The following AUTS2 variants were observed in gnomAD, a reference collection of about 807,000 sequenced individuals.
The protein encoded by AUTS2 is activator of transcription and developmental regulator AUTS2, also known as autism susceptibility gene 2 protein.
A neutral mutation model predicts 112.4 loss-of-function variants in AUTS2; 17 were observed. The ratio of observed to expected loss-of-function variants is 0.15; its 90% CI spans 0.10 to 0.23. The LOEUF (loss-of-function observed/expected upper bound fraction) is 0.23, where lower values mean the gene tolerates loss of function less well. Among genes scored for constraint, AUTS2 ranks in the 10% least tolerant of loss-of-function variants. The pLI is 1.00. For synonymous variants in AUTS2, 751 were observed against 702.7 expected (o/e 1.07, Z -1.09); for missense variants, 1,510 against 1,701.6 (o/e 0.89, Z 1.98).
intron 4 of AUTS2, among the ~76,000 whole-genome samples, chr7:70,288,649 A>G (rs1259325619): frequency 6.6e-6 from 1 of 152,150 alleles, no homozygotes; most frequent in Non-Finnish European, 1.5e-5. Context: ...AAAATGGAGA[A>G]GCAAGAAGAA....
At chr7:69,733,934 G>A (rs756215354) in intron 1 of AUTS2, among the ~76,000 whole-genome samples, 2 of 152,180 alleles carry the variant, frequency 1.3e-5, no homozygotes, top group Non-Finnish European at 2.9e-5. Context: ...AGTTCTCCAC[G>A]GGAAGGCTGT....
intron 1 of AUTS2, among the ~76,000 whole-genome samples, chr7:69,645,258 T>A (rs1228672696): frequency 6.6e-6 from 1 of 152,118 alleles, no homozygotes; most frequent in African/African-American, 2.4e-5. Context: ...TAAAGCCACA[T>A]AAAATTTCCT....
intron 2 of AUTS2, among the ~76,000 whole-genome samples, chr7:69,934,561 C>G (rs191197415): frequency 6.6e-6 from 1 of 152,252 alleles, no homozygotes; most frequent in Non-Finnish European, 1.5e-5. Context: ...CAAAATGCAC[C>G]AGACATAATG....
chr7:70,542,909 G>T (rs892025045), intron 5 of AUTS2, among the ~76,000 whole-genome samples: 3 of 152,084 alleles, frequency 2.0e-5, no homozygotes, highest in Non-Finnish European at 4.4e-5. Context: ...TGGGTGATTG[G>T]GTAAGAGGAT....
chr7:70,443,022 A>G (rs1386256628), intron 5 of AUTS2, among the ~76,000 whole-genome samples: 1 of 152,218 alleles, frequency 6.6e-6, no homozygotes, highest in Non-Finnish European at 1.5e-5. Context: ...TCTTTTTCAT[A>G]TGATAACATT....
intron 5 of AUTS2, among the ~76,000 whole-genome samples, chr7:70,664,133 T>TA (rs1357349365): frequency 2.6e-5 from 4 of 152,208 alleles, no homozygotes; most frequent in Non-Finnish European, 4.4e-5. Context: ...AAAAGAATCT[T>TA]AAAAGTCTCT....
chr7:70,140,762 A>G (rs1806820976), intron 4 of AUTS2, among the ~76,000 whole-genome samples: 1 of 152,230 alleles, frequency 6.6e-6, no homozygotes, highest in South Asian at 2.1e-4. Flanking sequence ...TAATGGAAAT[A>G]TTTTTGAAAA....
At chr7:70,104,130 T>A (rs1804642632) in intron 2 of AUTS2, among the ~76,000 whole-genome samples, 1 of 151,910 alleles carries the variant, frequency 6.6e-6, no homozygotes, top group Non-Finnish European at 1.5e-5. Context: ...TCCAGGCTAT[T>A]TTGGGCAATT....
At chr7:70,721,731 A>T (rs2129551415) in intron 6 of AUTS2, among the ~76,000 whole-genome samples, 1 of 152,294 alleles carries the variant, frequency 6.6e-6, no homozygotes, top group Admixed American at 6.5e-5. Flanking sequence ...TTTATGTTGC[A>T]AAATTGCAAA....
chr7:69,988,823 A>G (rs1441553035), intron 2 of AUTS2, among the ~76,000 whole-genome samples: 2 of 152,160 alleles, frequency 1.3e-5, no homozygotes, highest in Non-Finnish European at 2.9e-5. Flanking sequence ...GGGAGTGATA[A>G]TACATTAAGC....
At chr7:70,641,322 G>A (rs1349024593) in intron 5 of AUTS2, among the ~76,000 whole-genome samples, 1 of 152,164 alleles carries the variant, frequency 6.6e-6, no homozygotes, top group African/African-American at 2.4e-5. Flanking sequence ...GGCCAAGGCA[G>A]GCGGATCACA....
chr7:69,599,573 G>A lies in AUTS2; in HGVS notation c.-81G>A. 1.6e-6 allele frequency: 2 copies of A among 1,212,250 alleles called. No individual in the cohort carries two copies. The allele number at this position is 1,212,250 out of a possible 1,614,324, so 75.1% of individuals were successfully genotyped here. On this transcript the variant is annotated 5_prime_UTR_variant, in exon 1 of 19. Coordinates refer to ENST00000342771, the MANE Select transcript of AUTS2 (RefSeq NM_015570.4). This position sits in a 1 kb window ranked among gnomAD's most constrained non-coding sequence, Gnocchi z 7.0. ...AGGGAAGCCGTGAAGGGGGAGGGAG[G>A]GCTCGGTGTCAATTTTTTTTTGTGT...
chr7:69,871,620 GTACTC>G (rs1793501539), intron 1 of AUTS2, among the ~76,000 whole-genome samples: 1 of 152,144 alleles, frequency 6.6e-6, no homozygotes, highest in African/African-American at 2.4e-5. Flanking sequence ...ATATCTTACT[GTACTC>G]TACTCACCCT....
At chr7:70,785,390 C>T (rs577630704) in intron 16 of AUTS2, 47 of 508,370 alleles carry the variant, frequency 9.2e-5, no homozygotes, top group Middle Eastern at 2.9e-4. Context: ...CTCTAGGAAG[C>T]GGAAAGAAAC....
intron 5 of AUTS2, among the ~76,000 whole-genome samples, chr7:70,517,543 A>G (rs549097428): frequency 2.3e-4 from 34 of 150,060 alleles, no homozygotes; most frequent in African/African-American, 7.8e-4. Flanking sequence ...GCATATACAC[A>G]TATATACAAA....
At chr7:70,101,067 G>A (rs1804463150) in intron 2 of AUTS2, among the ~76,000 whole-genome samples, 4 of 151,902 alleles carry the variant, frequency 2.6e-5, no homozygotes, top group African/African-American at 7.3e-5. Flanking sequence ...TAGTAGAGAC[G>A]GGGTTTCACC....
chr7:69,997,726 G>C (rs1361573533), intron 2 of AUTS2, among the ~76,000 whole-genome samples: 2 of 152,058 alleles, frequency 1.3e-5, no homozygotes, highest in African/African-American at 4.8e-5. Flanking sequence ...ATTCCCCCTG[G>C]AGAACACCAA....
At chr7:70,139,101 G>A (rs978890570) in intron 4 of AUTS2, among the ~76,000 whole-genome samples, 4 of 152,112 alleles carry the variant, frequency 2.6e-5, no homozygotes, top group African/African-American at 4.8e-5. Context: ...CCAGTATCTG[G>A]GAGTAAATGT....
rs897872907 is a variant in AUTS2 at position 70,705,676 on chromosome 7, G to A, written c.742+7056G>A. ...AGACTTGACTCTTGTCATTAGCTGA[G>A]CTTGCCTGGACTTACTGGGAGAGTG... On this transcript the variant is annotated intron_variant, in intron 6 of 18. Transcript: ENST00000342771. Among the ~76,000 whole-genome samples, 93 of 152,074 alleles carry A rather than the reference G, an allele frequency of 6.1e-4. 1 individual carries two copies. Among genetic ancestry groups the A allele is most frequent in the African/African-American group, 2.2e-3 (91 of 41,394 alleles).
Sources: allele counts gnomAD v4.1 joint callset (sites outside exome capture counted in the v4.1 genomes callset), GRCh38; gene constraint gnomAD v4.1.1; non-coding constraint Gnocchi (gnomAD v3.1); transcripts MANE v1.5; gene names NCBI Gene and HGNC (gene_info 2026-07-23, HGNC 2026-07-21).